KCTD8: variants seen among roughly 807,000 people sequenced by gnomAD.
KCTD8 encodes the protein potassium channel tetramerization domain containing 8, also known as BTB/POZ domain-containing protein KCTD8.
Under a neutral mutation model 31.5 loss-of-function variants are expected in KCTD8, and 27 were observed. The ratio of observed to expected loss-of-function variants is 0.86; its 90% CI spans 0.63 to 1.18. The LOEUF (loss-of-function observed/expected upper bound fraction) is 1.18, where lower values mean the gene tolerates loss of function less well. Among genes scored for constraint, KCTD8 ranks in the 50% most tolerant of loss-of-function variants. The probability of loss-of-function intolerance (pLI) is 0.00; values close to 1 mark genes in which losing one functional copy is unlikely to be tolerated. For missense variants in KCTD8, 658 were observed against 647.7 expected, an observed-to-expected ratio of 1.02 and a Z score of -0.17; for synonymous variants, 290 against 280.0, an observed-to-expected ratio of 1.04 and a Z score of -0.36.
chr4:44,386,287 G>A (rs1482943943), intron 1 of KCTD8, among the ~76,000 whole-genome samples: 1 of 151,414 alleles, frequency 6.6e-6, no homozygotes, highest in Non-Finnish European at 1.5e-5. Context: ...CCAAGAGGTA[G>A]AAGCAACTGA....
At chr4:44,349,083 A>G (rs1028190506) in intron 1 of KCTD8, among the ~76,000 whole-genome samples, 12 of 124,168 alleles carry the variant, frequency 9.7e-5, no homozygotes, top group African/African-American at 3.4e-4. Context: ...CACCACCACC[A>G]CCACCACCAC....
chr4:44,206,590 A>G (rs1714316503), intron 1 of KCTD8, among the ~76,000 whole-genome samples: 1 of 152,184 alleles, frequency 6.6e-6, no homozygotes, highest in Non-Finnish European at 1.5e-5. Context: ...AGACAGGCTG[A>G]CTGCTCTTCC....
At chr4:44,304,059 A>C (rs1389208131) in intron 1 of KCTD8, among the ~76,000 whole-genome samples, 2 of 152,136 alleles carry the variant, frequency 1.3e-5, no homozygotes, top group Non-Finnish European at 2.9e-5. Context: ...TCCAGACTCT[A>C]ACATCACCTT....
intron 1 of KCTD8, among the ~76,000 whole-genome samples, chr4:44,387,388 A>G (rs1221472310): frequency 6.6e-6 from 1 of 151,944 alleles, no homozygotes; most frequent in East Asian, 1.9e-4. Flanking sequence ...TTCATATTGA[A>G]CCAAAAAAGA....
intron 1 of KCTD8, among the ~76,000 whole-genome samples, chr4:44,361,803 A>G (rs1255760302): frequency 6.6e-6 from 1 of 152,124 alleles, no homozygotes; most frequent in Non-Finnish European, 1.5e-5. Context: ...GGTTATAGAA[A>G]GCTTTCTTTG....
At chr4:44,273,139 C>T (rs1716659508) in intron 1 of KCTD8, among the ~76,000 whole-genome samples, 1 of 151,706 alleles carries the variant, frequency 6.6e-6, no homozygotes, top group African/African-American at 2.4e-5. Flanking sequence ...GCTTATTCCA[C>T]AATAAGGTTT....
At chr4:44,244,358 T>TGGTGCTTTGCCATGCTG (rs1715590347) in intron 1 of KCTD8, among the ~76,000 whole-genome samples, 1 of 152,128 alleles carries the variant, frequency 6.6e-6, no homozygotes, top group African/African-American at 2.4e-5. Flanking sequence ...CCCCAAAGTA[T>TGGTGCTTTGCCATGCTG]GGTGCTTTGC....
chr4:44,236,870 A>G (rs1715305600), intron 1 of KCTD8, among the ~76,000 whole-genome samples: 3 of 152,144 alleles, frequency 2.0e-5, no homozygotes, highest in African/African-American at 7.2e-5. Flanking sequence ...TACTGTTCTC[A>G]TGGTAGTAAG....
chr4:44,205,850 A>G (rs1435298064), intron 1 of KCTD8, among the ~76,000 whole-genome samples: 1 of 152,192 alleles, frequency 6.6e-6, no homozygotes, highest in African/African-American at 2.4e-5. Flanking sequence ...TAAACTTACC[A>G]TGTCGTAGGT....
At chr4:44,355,324 TG>T (rs1209488024) in intron 1 of KCTD8, among the ~76,000 whole-genome samples, 1 of 152,082 alleles carries the variant, frequency 6.6e-6, no homozygotes, top group East Asian at 1.9e-4. Flanking sequence ...AACTATGCAG[TG>T]ATAAGGTCAT....
chr4:44,305,206 T>C (rs919794598), intron 1 of KCTD8, among the ~76,000 whole-genome samples: 4 of 151,662 alleles, frequency 2.6e-5, no homozygotes, highest in African/African-American at 4.8e-5. Flanking sequence ...AAAGTTTAGA[T>C]AATTAAAAGT....
chr4:44,411,519 G>A (rs1355609806), intron 1 of KCTD8, among the ~76,000 whole-genome samples: 3 of 151,964 alleles, frequency 2.0e-5, no homozygotes, highest in African/African-American at 7.3e-5. Context: ...AAAAATGAAT[G>A]TATGTTTTTT....
chr4:44,204,920 A>G (rs1292553234), intron 1 of KCTD8, among the ~76,000 whole-genome samples: 3 of 152,072 alleles, frequency 2.0e-5, no homozygotes, highest in Admixed American at 6.6e-5. Flanking sequence ...TAAATCATCA[A>G]TATTAATTTT....
At chr4:44,442,054 T>C (rs956819151) in intron 1 of KCTD8, among the ~76,000 whole-genome samples, 5 of 152,166 alleles carry the variant, frequency 3.3e-5, no homozygotes, top group Admixed American at 1.3e-4. Flanking sequence ...ACCAGCTATA[T>C]AGTATGACCA....
chr4:44,193,130 A>C (rs1363999451), intron 1 of KCTD8, among the ~76,000 whole-genome samples: 1 of 152,218 alleles, frequency 6.6e-6, no homozygotes, highest in African/African-American at 2.4e-5. Context: ...GAGATAAACA[A>C]ACCTAGTAAT....
intron 1 of KCTD8, among the ~76,000 whole-genome samples, chr4:44,182,964 A>G (rs1388891959): frequency 6.6e-6 from 1 of 152,208 alleles, no homozygotes; most frequent in Non-Finnish European, 1.5e-5. Flanking sequence ...AAATGCCGAA[A>G]AATGTTAATT....
chr4:44,410,219 C>A (rs1031331052), intron 1 of KCTD8, among the ~76,000 whole-genome samples: 2 of 152,052 alleles, frequency 1.3e-5, no homozygotes, highest in Non-Finnish European at 2.9e-5. Context: ...ATAAATTATA[C>A]AGAAATTGCC....
chr4:44,371,776 G>A lies in KCTD8; in HGVS notation c.961+75787C>T, dbSNP rs555149869. Among the ~76,000 whole-genome samples, 9 of 152,176 alleles carry A rather than the reference G, an allele frequency of 5.9e-5. No individual in the cohort carries two copies. In the East Asian group the frequency reaches 1.7e-3, roughly 29 times the overall value. ...GTAAAATAGATGAATCCCCAACTCA[G>A]GTCATGATGATAATAAAATGAAATG... On this transcript the variant is annotated intron_variant, in intron 1 of 1. Transcript: ENST00000360029.
At chr4:44,215,783 A>T (rs141696055) in intron 1 of KCTD8, among the ~76,000 whole-genome samples, 1 of 150,566 alleles carries the variant, frequency 6.6e-6, no homozygotes, top group Non-Finnish European at 1.5e-5. Context: ...ACCAATGTTA[A>T]CCTGTCTAGT....
Sources: allele counts gnomAD v4.1 joint callset (sites outside exome capture counted in the v4.1 genomes callset), GRCh38; gene constraint gnomAD v4.1.1; transcripts MANE v1.5; gene names NCBI Gene and HGNC (gene_info 2026-07-23, HGNC 2026-07-21).